Variants in TACR1 observed in about 807,000 individuals in gnomAD.
TACR1 encodes the protein tachykinin receptor 1.
In TACR1, 25 loss-of-function variants were observed where a neutral mutation model predicts 35.8. The observed-to-expected ratio is 0.70, with a 90% CI of 0.51 to 0.98. The LOEUF is 0.98. TACR1 is among the 50% of genes least tolerant of loss of function. The pLI is 0.00. For synonymous variants in TACR1, 195 were observed against 206.7 expected (o/e 0.94, Z 0.48); for missense variants, 478 against 522.9 (o/e 0.91, Z 0.84).
intron 1 of TACR1, among the ~76,000 whole-genome samples, chr2:75,123,490 C>A (rs951976803): frequency 4.6e-5 from 7 of 152,144 alleles, no homozygotes; most frequent in African/African-American, 1.7e-4. Flanking sequence ...GGCAGAAAGC[C>A]ATATTTTATC....
At chr2:75,055,462 G>T (rs1672550116) in intron 2 of TACR1, among the ~76,000 whole-genome samples, 2 of 152,174 alleles carry the variant, frequency 1.3e-5, no homozygotes, top group African/African-American at 4.8e-5. Flanking sequence ...AGCATATTGT[G>T]TTTCCTAGCT....
intron 1 of TACR1, among the ~76,000 whole-genome samples, chr2:75,124,616 GT>G (rs1674038007): frequency 6.6e-6 from 1 of 152,188 alleles, no homozygotes; most frequent in African/African-American, 2.4e-5. Flanking sequence ...CATATTTTGA[GT>G]TTTGTGGTCC....
At chr2:75,149,044 T>C (rs1447768216) in intron 1 of TACR1, among the ~76,000 whole-genome samples, 3 of 152,220 alleles carry the variant, frequency 2.0e-5, no homozygotes, top group Non-Finnish European at 4.4e-5. Context: ...ATGTGTAGTG[T>C]TATTTCTGAG....
chr2:75,055,830 C>A (rs1447837590), intron 2 of TACR1, among the ~76,000 whole-genome samples: 1 of 152,202 alleles, frequency 6.6e-6, no homozygotes, highest in African/African-American at 2.4e-5. Context: ...GAGTTTCAGA[C>A]TCAGCAGGGC....
chr2:75,120,841 T>A (rs1250944044), intron 1 of TACR1, 73 bp from the exon 2 acceptor site: 12 of 1,257,252 alleles, frequency 9.5e-6, no homozygotes, highest in Non-Finnish European at 1.3e-5. Flanking sequence ...ATATTTTTCC[T>A]GCCAATAAGA....
In TACR1 at chr2:75,060,993, C is replaced by T. The variant is rs889023542; in HGVS notation, c.585-7238G>A. 4.6e-5 allele frequency among the ~76,000 whole-genome samples: 7 copies of T among 152,048 alleles called. No homozygotes were observed. The South Asian group carries it at 6.2e-4, about 13-fold the overall frequency. ...ACCCAGGGAAGAGGAACAGGCTTGT[C>T]GGGCAAAGTTGGTAGATTGCCTTTT... is the stretch of plus-strand genomic sequence containing the variant. On this transcript the variant is annotated intron_variant, in intron 2 of 4. Coordinates refer to ENST00000305249, the MANE Select transcript of TACR1 (RefSeq NM_001058.4).
intron 2 of TACR1, among the ~76,000 whole-genome samples, chr2:75,113,219 T>G (rs1673784354): frequency 6.6e-6 from 1 of 152,220 alleles, no homozygotes; most frequent in Non-Finnish European, 1.5e-5. Context: ...TTATTCTTAT[T>G]GTGAGTTATG....
At chr2:75,146,183 C>T (rs571040738) in intron 1 of TACR1, among the ~76,000 whole-genome samples, 32 of 152,170 alleles carry the variant, frequency 2.1e-4, no homozygotes, top group African/African-American at 6.7e-4. Flanking sequence ...AGTGCAGTGG[C>T]GAAATCTTGG....
At chr2:75,127,444 A>C (rs1443841081) in intron 1 of TACR1, among the ~76,000 whole-genome samples, 1 of 152,198 alleles carries the variant, frequency 6.6e-6, no homozygotes, top group African/African-American at 2.4e-5. Flanking sequence ...CACAATTCTA[A>C]AAAGCATGAG....
At position 75,164,326 on chromosome 2, in the gene TACR1, T is replaced by TAA. The variant is rs35423094; in HGVS notation, c.389+34218_389+34219dup. Among the ~76,000 whole-genome samples, 551 of 138,080 alleles carry TAA rather than the reference T, an allele frequency of 4.0e-3. 3 individuals carry two copies. Among genetic ancestry groups the TAA allele is most frequent in the African/African-American group, 0.012 (459 of 37,058 alleles). 90.6% of individuals were successfully genotyped at this position (138,080 alleles called of 152,430 possible). A position where few individuals can be genotyped will look rare whatever the true frequency, so the allele number is the denominator to read the frequency against. ...TGGGTGACAGAGCAAGACTCCATCT[T>TAA]AAAAAAAAAAAAAAGAAAAAGCAGG... On this transcript the variant is annotated intron_variant, in intron 1 of 4. Transcript: ENST00000305249.
At position 75,053,614 on chromosome 2, in the gene TACR1, G is replaced by T; in HGVS notation, c.726C>A (p.Ala242=). ...SSDRYHEQVS[A]KRKVVKMMIV... is the part of the protein sequence containing the mutation. ...CCTGTCCCCTGCTCACCTTGCGCTT[G>T]GCAGAGACTTGCTCGTGGTAGCGGT... The change falls in exon 3 of 5, where the codon GCC becomes GCA. Residue 242 remains alanine, a synonymous_variant. Coordinates refer to ENST00000305249, the MANE Select transcript of TACR1 (RefSeq NM_001058.4). The T allele has an allele frequency of 6.5e-7, 1 of 1,549,782 alleles. No individual in the cohort carries two copies. The highest frequency in any genetic ancestry group is 1.3e-5 in the South Asian group (1 of 79,628).
chr2:75,174,714 T>C (rs971907579), intron 1 of TACR1, among the ~76,000 whole-genome samples: 1 of 152,216 alleles, frequency 6.6e-6, no homozygotes. Context: ...CTCTTCTTAA[T>C]CCATAGCAAT....
intron 2 of TACR1, among the ~76,000 whole-genome samples, chr2:75,114,781 G>A (rs1348248452): frequency 6.6e-6 from 1 of 152,184 alleles, no homozygotes; most frequent in African/African-American, 2.4e-5. Flanking sequence ...TTTTGCCAGA[G>A]CAGCCACGCT....
chr2:75,088,759 A>T (rs942262844), intron 2 of TACR1, among the ~76,000 whole-genome samples: 1 of 151,740 alleles, frequency 6.6e-6, no homozygotes, highest in Admixed American at 6.6e-5. Flanking sequence ...AGGAAGGGGG[A>T]TGGTATCCCC....
intron 2 of TACR1, among the ~76,000 whole-genome samples, chr2:75,096,991 G>T (rs1364825256): frequency 1.3e-5 from 2 of 152,158 alleles, no homozygotes; most frequent in Admixed American, 6.5e-5. Context: ...CCATCATTCA[G>T]TCAGATAATG....
At chr2:75,149,021 C>G (rs1261664130) in intron 1 of TACR1, among the ~76,000 whole-genome samples, 1 of 152,158 alleles carries the variant, frequency 6.6e-6, no homozygotes, top group Non-Finnish European at 1.5e-5. Flanking sequence ...TGTCAAAGAT[C>G]AGATAGTTTT....
intron 2 of TACR1, among the ~76,000 whole-genome samples, 178 bp from the exon 3 acceptor site, chr2:75,053,933 G>C (rs907272075): frequency 6.6e-6 from 1 of 152,178 alleles, no homozygotes; most frequent in South Asian, 2.1e-4. Context: ...GGGTGGATAG[G>C]TAATACTAAT....
intron 1 of TACR1, among the ~76,000 whole-genome samples, chr2:75,196,234 C>G (rs1189354221): frequency 6.6e-6 from 1 of 152,164 alleles, no homozygotes; most frequent in Non-Finnish European, 1.5e-5. Flanking sequence ...GGACTTAAAG[C>G]CCCCTTTCTT....
chr2:75,087,148 T>C (rs1213663109), intron 2 of TACR1, among the ~76,000 whole-genome samples: 1 of 152,224 alleles, frequency 6.6e-6, no homozygotes, highest in Non-Finnish European at 1.5e-5. Context: ...CATGTTGAAA[T>C]GATACTACTA....
Sources: gnomAD v4.1 joint callset for allele counts (sites outside exome capture counted in the v4.1 genomes callset) on GRCh38, gnomAD v4.1.1 for gene constraint, MANE v1.5 for transcripts, NCBI Gene and HGNC (gene_info 2026-07-23, HGNC 2026-07-21) for gene names.